PDCD6: variants seen among roughly 807,000 people sequenced by gnomAD.
PDCD6 encodes programmed cell death 6.
In PDCD6, 12 loss-of-function variants were observed where a neutral mutation model predicts 28.3. That is an observed-to-expected ratio of 0.42 (90% confidence interval 0.27 to 0.69). The LOEUF is 0.69. PDCD6 is among the 30% of genes least tolerant of loss of function. PDCD6 has a pLI of 0.22. For missense variants in PDCD6, 226 were observed against 269.9 expected (o/e 0.84, Z 1.14); for synonymous variants, 92 against 108.0 (o/e 0.85, Z 0.92).
At chr5:304,347 C>T (rs7448453) in intron 3 of PDCD6, 126 bp downstream of exon 3, 129,198 of 1,160,314 alleles carry the variant, frequency 0.11, 7,953 homozygotes, top group Non-Finnish European at 0.12. Flanking sequence ...CTTAGATGAG[C>T]GTCGGCCCTT....
chr5:287,522 T>A (rs1026113813), intron 2 of PDCD6, among the ~76,000 whole-genome samples: 3 of 152,134 alleles, frequency 2.0e-5, no homozygotes, highest in Non-Finnish European at 4.4e-5. Flanking sequence ...TAAAAAAAAC[T>A]AAATGATATT....
intron 2 of PDCD6, among the ~76,000 whole-genome samples, chr5:291,797 T>TTCCTG (rs1346318178): frequency 6.6e-6 from 1 of 152,278 alleles, no homozygotes; most frequent in Non-Finnish European, 1.5e-5. Context: ...GTCTTCCATC[T>TTCCTG]TCCTGTGGAT....
At chr5:290,034 G>C in intron 2 of PDCD6, 1 of 1,594,224 alleles carries the variant, frequency 6.3e-7, no homozygotes, top group East Asian at 2.2e-5. Context: ...TAGTAAAAGG[G>C]ATACTGTTAA....
At chr5:276,863 A>C in intron 2 of PDCD6, 1 of 985,360 alleles carries the variant, frequency 1.0e-6, no homozygotes, top group East Asian at 1.1e-4. Context: ...TACTGCTCTC[A>C]GGGAGGTCTG....
Position 311,358 on chromosome 5 carries a change from C to A in PDCD6, c.433C>A (p.Gln145Lys). 1 of 1,614,032 alleles carries A rather than the reference C, an allele frequency of 6.2e-7. No homozygotes were observed. The stretch of plus-strand genomic sequence containing the variant: ...AAAGTTTGACAGGCAGGGACGGGGG[C>A]AGATTGCCTTCGACGACTTCATCCA... ...IRKFDRQGRGQIAFDDFIQGC... is the reference protein window; with the variant it reads ...IRKFDRQGRGKIAFDDFIQGC... Residue 145 changes from glutamine to lysine, a missense_variant, in exon 5 of 6, where the codon CAG becomes AAG. Coordinates refer to ENST00000264933, the MANE Select transcript of PDCD6 (RefSeq NM_013232.4).
chr5:306,704 G>A lies in PDCD6; in HGVS notation c.311G>A (p.Arg104Gln), dbSNP rs1485901510. Residue 104 changes from arginine (R) to glutamine (Q), a missense_variant, in exon 4 of 6, where the codon CGG becomes CAG. Physicochemically the swap from Arg to Gln is conservative, Grantham distance 43 (BLOSUM62 1). Coordinates refer to ENST00000264933, the MANE Select transcript of PDCD6 (RefSeq NM_013232.4). ...DWQNVFRTYDRDNSGMIDKNE... is the reference protein window; with the variant it reads ...DWQNVFRTYDQDNSGMIDKNE... Reference sequence around the variant, plus strand: ...CAGAACGTCTTCCGCACGTACGACCGGGACAACTCCGGGATGATCGATAAG... The same window carrying A: ...CAGAACGTCTTCCGCACGTACGACCAGGACAACTCCGGGATGATCGATAAG... 9 of 1,613,942 alleles carry A rather than the reference G, an allele frequency of 5.6e-6. No homozygotes were observed. The highest frequency in any genetic ancestry group is 4.5e-5 in the East Asian group (2 of 44,892).
Position 306,762 on chromosome 5 carries a change from T to C in PDCD6, c.367+2T>C, listed in dbSNP as rs112704921. On this transcript the variant is annotated splice_donor_variant, in intron 4 of 5. Coordinates refer to ENST00000264933, the MANE Select transcript of PDCD6 (RefSeq NM_013232.4). LOFTEE classifies it high-confidence loss of function. ...TGAAGCAGGCCCTCTCAGGTTTCGGTAACTCACTCACTCTGGCTTGTGTAG... is the reference window on the plus strand; with the variant it reads ...TGAAGCAGGCCCTCTCAGGTTTCGGCAACTCACTCACTCTGGCTTGTGTAG... The C allele has an allele frequency of 5.0e-5, 80 of 1,613,262 alleles. 1 individual carries two copies. The highest frequency in any genetic ancestry group is 2.6e-5 in the Non-Finnish European group (31 of 1,179,616).
intron 2 of PDCD6, among the ~76,000 whole-genome samples, chr5:303,499 C>T (rs1174864859): frequency 1.5e-4 from 23 of 151,760 alleles, no homozygotes; most frequent in East Asian, 5.8e-4. Flanking sequence ...TGGTTGTGAG[C>T]GCTCAAGGGT....
At chr5:292,918 T>G (rs1739396609) in intron 2 of PDCD6, among the ~76,000 whole-genome samples, 1 of 152,228 alleles carries the variant, frequency 6.6e-6, no homozygotes, top group African/African-American at 2.4e-5. Flanking sequence ...GTTGAGGGTT[T>G]ACCTCCTGGC....
intron 2 of PDCD6, among the ~76,000 whole-genome samples, chr5:277,950 T>C (rs1484811935): frequency 6.6e-6 from 1 of 151,750 alleles, no homozygotes; most frequent in Non-Finnish European, 1.5e-5. Flanking sequence ...AACCCTTGTT[T>C]AGGTGTTAAC....
At chr5:284,639 CCGTGCAGCT>C (rs1561034986) in intron 2 of PDCD6, among the ~76,000 whole-genome samples, 1 of 147,256 alleles carries the variant, frequency 6.8e-6, no homozygotes, top group African/African-American at 2.7e-5. Flanking sequence ...AGGTTGAGGA[CCGTGCAGCT>C]GGAGACCGGG....
intron 2 of PDCD6, among the ~76,000 whole-genome samples, chr5:278,535 CCTGT>C (rs1252894873): frequency 2.8e-5 from 4 of 143,902 alleles, no homozygotes; most frequent in Non-Finnish European, 4.5e-5. Flanking sequence ...CATGGCAGAT[CCTGT>C]CTCTCCCAAA....
At chr5:286,721 G>A (rs1331111067) in intron 2 of PDCD6, among the ~76,000 whole-genome samples, 1 of 151,920 alleles carries the variant, frequency 6.6e-6, no homozygotes, top group African/African-American at 2.4e-5. Context: ...TGATGTTCCC[G>A]TTTGAGGGCC....
intron 2 of PDCD6, among the ~76,000 whole-genome samples, chr5:287,303 A>T (rs982574576): frequency 6.6e-6 from 1 of 152,136 alleles, no homozygotes; most frequent in Admixed American, 6.5e-5. Flanking sequence ...GTGGAGCTAA[A>T]CACGGAGCCG....
In PDCD6 at chr5:306,353, A is replaced by G. The variant is rs1740481094; in HGVS notation, c.209-249A>G. On this transcript the variant is annotated intron_variant, in intron 3 of 5. Transcript: ENST00000264933. The stretch of plus-strand genomic sequence containing the variant: ...TTGCACGGCCTGCCTCACAGCTGCA[A>G]GTGCACCTTCTCCTGGGACTTAGGG... The G allele has an allele frequency of 6.5e-6, 3 of 458,028 alleles. No individual in the cohort carries two copies. In the East Asian group the frequency reaches 1.1e-4, roughly 16 times the overall value. The allele number at this position is 458,028 out of a possible 1,614,324, so 28.4% of individuals were successfully genotyped here.
At chr5:311,075 G>GGGTC in intron 4 of PDCD6, 2 of 504,420 alleles carry the variant, frequency 4.0e-6, no homozygotes, top group Non-Finnish European at 7.1e-6. Flanking sequence ...TGGTCTCAAG[G>GGGTC]GGTCACTCCA....
intron 2 of PDCD6, among the ~76,000 whole-genome samples, chr5:278,499 C>T (rs1324261202): frequency 6.8e-6 from 1 of 146,976 alleles, no homozygotes; most frequent in Non-Finnish European, 1.5e-5. Context: ...TACTTGAGCT[C>T]AGGAATTTGA....
intron 2 of PDCD6, among the ~76,000 whole-genome samples, chr5:300,701 C>T (rs1297393790): frequency 6.6e-6 from 1 of 152,228 alleles, no homozygotes; most frequent in Non-Finnish European, 1.5e-5. Flanking sequence ...TGTGGTGGTT[C>T]TCTCTTGGTT....
At chr5:297,437 C>G (rs1480549904) in intron 2 of PDCD6, among the ~76,000 whole-genome samples, 2 of 152,322 alleles carry the variant, frequency 1.3e-5, no homozygotes, top group East Asian at 3.9e-4. Context: ...ATTTGTATAC[C>G]TTTAGATTAA....
Sources: gnomAD v4.1 joint callset for allele counts (sites outside exome capture counted in the v4.1 genomes callset) on GRCh38, gnomAD v4.1.1 for gene constraint, MANE v1.5 for transcripts, NCBI Gene and HGNC (gene_info 2026-07-23, HGNC 2026-07-21) for gene names.